The following SEMA3D variants were observed in gnomAD, a reference collection of about 807,000 sequenced individuals.
SEMA3D encodes the protein semaphorin 3D.
SEMA3D carries 84 observed loss-of-function variants against 100.1 expected under a neutral mutation model. The ratio of observed to expected loss-of-function variants is 0.84; its 90% confidence interval spans 0.70 to 1.01. The LOEUF (loss-of-function observed/expected upper bound fraction) is 1.01. Ranked by LOEUF, SEMA3D falls within the 50% of genes least tolerant of loss-of-function variation. SEMA3D has a pLI of 0.00. For synonymous variants in SEMA3D, 312 were observed against 320.7 expected, an observed-to-expected ratio of 0.97 and a Z score of 0.29; for missense variants, 875 against 934.1, an observed-to-expected ratio of 0.94 and a Z score of 0.82.
chr7:85,153,177 A>C (rs921329144), intron 2 of SEMA3D, among the ~76,000 whole-genome samples: 3 of 152,138 alleles, frequency 2.0e-5, no homozygotes, highest in Non-Finnish European at 4.4e-5. Context: ...CATCCTGAGA[A>C]TACTGTATCT....
chr7:85,042,565 T>G (rs1003978413), intron 9 of SEMA3D, among the ~76,000 whole-genome samples: 1 of 151,786 alleles, frequency 6.6e-6, no homozygotes, highest in Non-Finnish European at 1.5e-5. Flanking sequence ...TGAAATCAAA[T>G]CCCACCTGCC....
At chr7:85,057,371 C>T (rs1791350633) in intron 8 of SEMA3D, among the ~76,000 whole-genome samples, 1 of 152,050 alleles carries the variant, frequency 6.6e-6, no homozygotes, top group South Asian at 2.1e-4. Context: ...GAAGGAAAGA[C>T]TTCAATTAGA....
the SEMA3D span, among the ~76,000 whole-genome samples, chr7:85,206,125 T>C: frequency 6.6e-6 from 1 of 152,082 alleles, no homozygotes; most frequent in African/African-American, 2.4e-5. Flanking sequence ...ATGTGCCAGG[T>C]TGGTGCATGG....
chr7:85,048,707 A>T (rs935006859), intron 9 of SEMA3D, among the ~76,000 whole-genome samples: 1 of 151,876 alleles, frequency 6.6e-6, no homozygotes, highest in Non-Finnish European at 1.5e-5. Context: ...GGGATTTTTA[A>T]AAAAGGATCT....
intron 1 of SEMA3D, among the ~76,000 whole-genome samples, chr7:85,180,603 G>T (rs1270868651): frequency 6.6e-6 from 1 of 152,110 alleles, no homozygotes; most frequent in Non-Finnish European, 1.5e-5. Flanking sequence ...AGATAAGTCT[G>T]CCATAAACCA....
chr7:85,203,354 T>A, the SEMA3D span, among the ~76,000 whole-genome samples: 6 of 152,204 alleles, frequency 3.9e-5, no homozygotes, highest in Non-Finnish European at 5.9e-5. Context: ...TAACTAGAAT[T>A]GAAGTTTTTC....
intron 8 of SEMA3D, among the ~76,000 whole-genome samples, chr7:85,057,994 T>C (rs1368552781): frequency 6.6e-6 from 1 of 152,268 alleles, no homozygotes; most frequent in East Asian, 1.9e-4. Flanking sequence ...TCAGTCAATA[T>C]CGTCTCAGCC....
At chr7:85,096,387 A>C (rs926525983) in intron 4 of SEMA3D, among the ~76,000 whole-genome samples, 1 of 151,926 alleles carries the variant, frequency 6.6e-6, no homozygotes, top group Non-Finnish European at 1.5e-5. Context: ...ATTTTATTTT[A>C]TGTTAAACAA....
At chr7:85,206,661 T>C in the SEMA3D span, among the ~76,000 whole-genome samples, 2 of 152,090 alleles carry the variant, frequency 1.3e-5, no homozygotes, top group South Asian at 2.1e-4. Flanking sequence ...TAAAGAAAAA[T>C]ACTCAAATGC....
At chr7:85,144,480 A>C (rs1480166795) in intron 2 of SEMA3D, 1 of 976,852 alleles carries the variant, frequency 1.0e-6, no homozygotes, top group African/African-American at 1.8e-5. Context: ...TTTATGTGAG[A>C]TAGAGGGGAA....
the SEMA3D span, among the ~76,000 whole-genome samples, chr7:85,213,825 T>C: frequency 6.6e-6 from 1 of 152,212 alleles, no homozygotes; most frequent in Non-Finnish European, 1.5e-5. Context: ...AATTTTCATT[T>C]TGTTTGTGCA....
At chr7:85,143,685 C>T (rs988522300) in intron 2 of SEMA3D, among the ~76,000 whole-genome samples, 1 of 151,734 alleles carries the variant, frequency 6.6e-6, no homozygotes. Flanking sequence ...TGTATAATAT[C>T]GTCTAGTGCT....
At chr7:85,177,632 A>AT (rs1019954669) in intron 1 of SEMA3D, among the ~76,000 whole-genome samples, 4 of 152,138 alleles carry the variant, frequency 2.6e-5, no homozygotes, top group African/African-American at 7.2e-5. Context: ...AATAAATAGC[A>AT]TTTTTTGCAT....
Position 84,999,873 on chromosome 7 carries a change from A to G in SEMA3D, c.1909-8T>C, listed in dbSNP as rs1169701532. ...TCTTTCATCGGGCTTCAACTGCAGA[A>G]TTGGAAAAATGTAGGTAATAAATTA... On this transcript the variant is annotated splice_polypyrimidine_tract_variant and splice_region_variant and intron_variant, in intron 18 of 18. Transcript: ENST00000284136. 1 of 1,609,462 alleles carries G rather than the reference A, an allele frequency of 6.2e-7. No individual in the cohort carries two copies. The highest frequency in any genetic ancestry group is 8.5e-7 in the Non-Finnish European group (1 of 1,177,020).
chr7:85,149,603 G>C (rs1357440345), intron 2 of SEMA3D, among the ~76,000 whole-genome samples: 2 of 152,058 alleles, frequency 1.3e-5, no homozygotes, highest in African/African-American at 4.8e-5. Context: ...TAAATCGTAG[G>C]GAATATTTGC....
intron 1 of SEMA3D, chr7:85,181,853 C>T (rs1445757747): frequency 4.5e-6 from 2 of 445,842 alleles, no homozygotes; most frequent in Non-Finnish European, 5.9e-6. Context: ...GGAACTAAAG[C>T]ATCCAATATT....
chr7:85,055,948 C>A, intron 8 of SEMA3D, 89 bp from the exon 9 acceptor site: 1 of 682,796 alleles, frequency 1.5e-6, no homozygotes, highest in Non-Finnish European at 2.4e-6. Context: ...AAGCAATTAG[C>A]AGTAGAATTT....
chr7:85,006,287 A>C (rs1454749960), intron 18 of SEMA3D, among the ~76,000 whole-genome samples: 1 of 152,070 alleles, frequency 6.6e-6, no homozygotes, highest in Non-Finnish European at 1.5e-5. Context: ...CAAGATATGC[A>C]GTTCTGAATC....
intron 2 of SEMA3D, among the ~76,000 whole-genome samples, chr7:85,150,387 C>T (rs1402335648): frequency 2.9e-5 from 4 of 139,256 alleles, no homozygotes; most frequent in African/African-American, 1.0e-4. Context: ...TATACACACA[C>T]ACATATATTT....
Sources: allele counts gnomAD v4.1 joint callset (sites outside exome capture counted in the v4.1 genomes callset), GRCh38; gene constraint gnomAD v4.1.1; transcripts MANE v1.5; gene names NCBI Gene and HGNC (gene_info 2026-07-23, HGNC 2026-07-21).